KLHL15: variants seen among roughly 807,000 people sequenced by gnomAD.
The protein encoded by KLHL15 is kelch-like protein 15.
Under a neutral mutation model 29.3 loss-of-function variants are expected in KLHL15, and 1 was observed. The observed-to-expected ratio is 0.03, with a 90% CI of 0.01 to 0.16. The LOEUF (loss-of-function observed/expected upper bound fraction) is 0.16. Ranked by LOEUF, KLHL15 falls within the 10% of genes least tolerant of loss-of-function variation. The probability of loss-of-function intolerance (pLI) is 1.00; values close to 1 mark genes in which losing one functional copy is unlikely to be tolerated. For missense variants in KLHL15, 215 were observed against 478.5 expected (o/e 0.45, Z 5.14); for synonymous variants, 212 against 184.5 (o/e 1.15, Z -1.21).
At chrX:24,017,089 G>A (rs190672067) in intron 2 of KLHL15, among the ~76,000 whole-genome samples, 1 of 109,567 alleles carries the variant, frequency 9.1e-6, no homozygotes. Flanking sequence ...GTGTGTGCCT[G>A]TAGTCTCAGC....
At chrX:23,997,985 G>A (rs1311911380) in intron 3 of KLHL15, among the ~76,000 whole-genome samples, 2 of 109,856 alleles carry the variant, frequency 1.8e-5, no homozygotes, top group East Asian at 5.8e-4. Flanking sequence ...TGTTTGAGAC[G>A]GAGTCTCACT....
intron 2 of KLHL15, among the ~76,000 whole-genome samples, chrX:24,019,835 C>T (rs1408351864): frequency 8.9e-6 from 1 of 112,079 alleles, no homozygotes; most frequent in Non-Finnish European, 1.9e-5. Context: ...TTAAATGCTT[C>T]CTTTTCAGTT....
rs1219371111 is a variant in KLHL15, at chrX:23,988,299, G to A, written c.1437C>T (p.Cys479=). 5.8e-6 allele frequency: 7 copies of A among 1,209,234 alleles called. No individual in the cohort carries two copies. Among genetic ancestry groups the A allele is most frequent in the South Asian group, 1.8e-5 (1 of 56,698 alleles). ...CATTGTAAGAAATCATCTTGTGAAA[G>A]CATCTCGCGTAATTCATCTTGCTCT... ...ENKSKMNYAR[C]FHKMISYNGK... Residue 479 remains cysteine (C), a synonymous_variant, in exon 4 of 4, where the codon TGC becomes TGT. Transcript: ENST00000328046.
intron 2 of KLHL15, among the ~76,000 whole-genome samples, chrX:24,012,289 CTT>C (rs1236480757): frequency 8.9e-6 from 1 of 112,399 alleles, no homozygotes; most frequent in East Asian, 2.8e-4. Flanking sequence ...ATAAAAATCT[CTT>C]TAAAAGGCCC....
At chrX:24,012,396 A>G (rs149631150) in intron 2 of KLHL15, among the ~76,000 whole-genome samples, 204 of 111,324 alleles carry the variant, frequency 1.8e-3, no homozygotes, top group Middle Eastern at 0.014. Flanking sequence ...TCTCAGCTCT[A>G]TGACACTGTG....
chrX:24,023,876 G>A (rs775103616), intron 2 of KLHL15, among the ~76,000 whole-genome samples: 1 of 112,239 alleles, frequency 8.9e-6, no homozygotes, highest in Admixed American at 9.5e-5. Flanking sequence ...GCATTGATAA[G>A]CTCTTCAAAA....
chrX:24,019,632 G>C (rs1278599039), intron 2 of KLHL15, among the ~76,000 whole-genome samples: 1 of 106,175 alleles, frequency 9.4e-6, no homozygotes, highest in Non-Finnish European at 1.9e-5. Context: ...GAAAGTGTAA[G>C]AGATAAGTGA....
rs765895116 is a variant in KLHL15, at chrX:24,003,651, G to A, written c.705+2338C>T. ...TACATGACCTAGCATAAATATATGT[G>A]TGTGTGTGTGTGTGTGTGTGTGTGT... On this transcript the variant is annotated intron_variant, in intron 3 of 3. Transcript: ENST00000328046. Among the ~76,000 whole-genome samples, 175 of 47,201 alleles carry A rather than the reference G, an allele frequency of 3.7e-3. 2 individuals carry two copies. In the South Asian group the frequency reaches 0.078, roughly 21 times the overall value. 41.0% of individuals were successfully genotyped at this position (47,201 alleles called of 115,157 possible).
intron 2 of KLHL15, among the ~76,000 whole-genome samples, chrX:24,006,941 G>A (rs1929455640): frequency 9.0e-6 from 1 of 111,306 alleles, no homozygotes; most frequent in Non-Finnish European, 1.9e-5. Flanking sequence ...CCAGCACTTT[G>A]GGAGGCCAAG....
chrX:24,026,403 AACTAG>A (rs1235552127), intron 1 of KLHL15, among the ~76,000 whole-genome samples: 6 of 112,260 alleles, frequency 5.3e-5, no homozygotes, highest in Admixed American at 1.9e-4. Flanking sequence ...AAGAATATAA[AACTAG>A]ACTATAGGAC....
In KLHL15 at chrX:23,988,336, C is replaced by T. The variant is rs759992404; in HGVS notation, c.1400G>A (p.Cys467Tyr). ...RTRRTQVVTN[C>Y]WENKSKMNYA... The stretch of plus-strand genomic sequence containing the variant: ...ATTCATCTTGCTCTTATTCTCCCAA[C>T]AGTTGGTAACCACTTGAGTTCTCCT... The change falls in exon 4 of 4, where the codon TGT becomes TAT. Residue 467 changes from cysteine to tyrosine, a missense_variant. Coordinates refer to ENST00000328046, the MANE Select transcript of KLHL15 (RefSeq NM_030624.3). 1.7e-6 allele frequency: 2 copies of T among 1,211,694 alleles called. No individual in the cohort carries two copies.
intron 3 of KLHL15, among the ~76,000 whole-genome samples, chrX:23,999,602 A>AAAAAAG (rs1929269308): frequency 9.1e-6 from 1 of 109,786 alleles, no homozygotes; most frequent in Non-Finnish European, 1.9e-5. Flanking sequence ...CTCAAAAAAA[A>AAAAAAG]AAAAAAAAAG....
intron 3 of KLHL15, among the ~76,000 whole-genome samples, chrX:24,002,618 T>C (rs1417640785): frequency 9.2e-6 from 1 of 109,172 alleles, no homozygotes. Flanking sequence ...TTTTTTTTTT[T>C]TGGATGGGGT....
At chrX:24,011,421 G>A (rs749055739) in intron 2 of KLHL15, among the ~76,000 whole-genome samples, 25 of 110,862 alleles carry the variant, frequency 2.3e-4, no homozygotes, top group Non-Finnish European at 4.0e-4. Flanking sequence ...CAAGGTAGGC[G>A]GATCACGAAG....
chrX:23,988,150 G>A lies in KLHL15; in HGVS notation c.1586C>T (p.Pro529Leu), dbSNP rs777296343. The change falls in exon 4 of 4, where the codon CCG becomes CTG. Residue 529 changes from proline (P) to leucine (L), a missense_variant. Pro to Leu is a moderately conservative substitution (Grantham distance 98). Transcript: ENST00000328046. The part of the protein sequence containing the change: ...TDQWTILASM[P>L]IGRSGHGVTV... The stretch of plus-strand genomic sequence containing the variant: ...CACACCATGGCCACTTCTACCAATC[G>A]GCATGGATGCCAAGATGGTCCACTG... 3 of 1,210,830 alleles carry A rather than the reference G, an allele frequency of 2.5e-6. No individual in the cohort carries two copies. The highest frequency in any genetic ancestry group is 1.8e-5 in the South Asian group (1 of 56,906).
chrX:23,987,818 C>T lies in KLHL15; in HGVS notation c.*103G>A. On this transcript the variant is annotated 3_prime_UTR_variant, in exon 4 of 4. Coordinates refer to ENST00000328046, the MANE Select transcript of KLHL15 (RefSeq NM_030624.3). ...AATTCTTACAATGTTAGACCAATGG[C>T]TTTGATAGTAAAACTGGTGAGGTTT... The T allele has an allele frequency of 1.3e-6, 1 of 788,474 alleles. No individual in the cohort carries two copies. The allele number at this position is 788,474 out of a possible 1,213,427, so 65.0% of individuals were successfully genotyped here. A position where few individuals can be genotyped will look rare whatever the true frequency, so the allele number is the denominator to read the frequency against.
intron 1 of KLHL15, among the ~76,000 whole-genome samples, chrX:24,026,791 T>C (rs1465139885): frequency 8.9e-6 from 1 of 111,858 alleles, no homozygotes; most frequent in Non-Finnish European, 1.9e-5. Context: ...GCTTCCTTAT[T>C]CCGATTTAAA....
chrX:24,010,309 C>A (rs1929549432), intron 2 of KLHL15, among the ~76,000 whole-genome samples: 1 of 111,859 alleles, frequency 8.9e-6, no homozygotes, highest in South Asian at 3.7e-4. Context: ...ATCAGAGCAA[C>A]CACTTTCTTA....
intron 2 of KLHL15, among the ~76,000 whole-genome samples, chrX:24,018,153 ATT>A (rs1453139398): frequency 8.9e-6 from 1 of 111,837 alleles, no homozygotes; most frequent in Non-Finnish European, 1.9e-5. Context: ...GAAGAAAACT[ATT>A]ATAAGAACTA....
Sources: gnomAD v4.1 joint callset for allele counts (sites outside exome capture counted in the v4.1 genomes callset) on GRCh38, gnomAD v4.1.1 for gene constraint, MANE v1.5 for transcripts, NCBI Gene and HGNC (gene_info 2026-07-23, HGNC 2026-07-21) for gene names.